EYA1: variants seen among roughly 807,000 people sequenced by gnomAD.
EYA1 encodes EYA transcriptional coactivator and phosphatase 1.
Under a neutral mutation model 82.0 loss-of-function variants are expected in EYA1, and 16 were observed. That is an observed-to-expected ratio of 0.20 (90% CI 0.13 to 0.30). EYA1 has a LOEUF of 0.30. Among genes scored for constraint, EYA1 ranks in the 10% least tolerant of loss-of-function variants. EYA1 has a pLI of 1.00. For missense variants in EYA1, 633 were observed against 730.7 expected, an observed-to-expected ratio of 0.87 and a Z score of 1.54; for synonymous variants, 261 against 264.4, an observed-to-expected ratio of 0.99 and a Z score of 0.12.
chr8:71,440,064 G>A (rs572046824), intron 2 of EYA1, among the ~76,000 whole-genome samples: 6 of 152,112 alleles, frequency 3.9e-5, no homozygotes, highest in East Asian at 3.9e-4. Flanking sequence ...GGACTTTGAC[G>A]TGCTAGTGGA....
chr8:71,276,893 G>T (rs550608063), intron 9 of EYA1, among the ~76,000 whole-genome samples: 1 of 151,998 alleles, frequency 6.6e-6, no homozygotes, highest in East Asian at 1.9e-4. Flanking sequence ...TTGTAAAACG[G>T]GAATAAATGG....
chr8:71,438,740 C>A (rs1471579146), intron 2 of EYA1, among the ~76,000 whole-genome samples: 1 of 152,114 alleles, frequency 6.6e-6, no homozygotes, highest in Non-Finnish European at 1.5e-5. Context: ...AAGAACACGA[C>A]TGAGACAGGC....
In EYA1 at chr8:71,529,768, G is replaced by A. The variant is rs975511990; in HGVS notation, c.33+5976C>T. The A allele has an allele frequency of 6.6e-5, 10 of 152,252 alleles. No homozygotes were observed. The East Asian group carries it at 9.7e-4, about 15-fold the overall frequency. The allele number at this position is 152,252 out of a possible 1,614,324, so 9.4% of individuals were successfully genotyped here. Reference sequence around the variant, plus strand: ...GCACTGTGCAAGGGGAACAGAGAAAGCCAGTCTATAAACAAAAAGAGGACT... The same window carrying A: ...GCACTGTGCAAGGGGAACAGAGAAAACCAGTCTATAAACAAAAAGAGGACT... On this transcript the variant is annotated intron_variant, in intron 2 of 18. Coordinates refer to the EYA1 transcript ENST00000643681.
At chr8:71,220,235 C>T (rs947912135) in intron 12 of EYA1, among the ~76,000 whole-genome samples, 1 of 152,098 alleles carries the variant, frequency 6.6e-6, no homozygotes, top group Non-Finnish European at 1.5e-5. Flanking sequence ...ACAGACTAAA[C>T]GTGCTGAAAC....
intron 4 of EYA1, among the ~76,000 whole-genome samples, chr8:71,324,891 A>G (rs576889947): frequency 7.9e-4 from 120 of 152,268 alleles, no homozygotes; most frequent in South Asian, 1.4e-3. Context: ...TTTAGGTCCC[A>G]ATAATGATGT....
chr8:71,483,719 G>A (rs187744637), intron 2 of EYA1, among the ~76,000 whole-genome samples: 157 of 152,018 alleles, frequency 1.0e-3, no homozygotes, highest in Non-Finnish European at 4.1e-4. Flanking sequence ...CAGAATAGAA[G>A]GCAAGAATTG....
Position 71,213,966 on chromosome 8 carries a change from A to G in EYA1, c.1597+1421T>C, listed in dbSNP as rs774857550. On this transcript the variant is annotated intron_variant, in intron 16 of 17. Transcript: ENST00000340726. ...GCAAGAGAGACAAACCCAGTCCTCA[A>G]GATTATTACAGTATGACGGGGAAGT... is the stretch of plus-strand genomic sequence containing the variant. Among the ~76,000 whole-genome samples, 246 of 152,206 alleles carry G rather than the reference A, an allele frequency of 1.6e-3. 4 individuals are homozygous for G. The highest frequency in any genetic ancestry group is 4.4e-4 in the Non-Finnish European group (30 of 68,036).
chr8:71,346,431 A>AATATATATCT (rs1554561506), intron 3 of EYA1, among the ~76,000 whole-genome samples: 3 of 105,492 alleles, frequency 2.8e-5, no homozygotes, highest in Non-Finnish European at 3.8e-5. Flanking sequence ...TACTGCAGTG[A>AATATATATCT]ATATATATAT....
chr8:71,321,872 A>T lies in EYA1; in HGVS notation c.280T>A (p.Tyr94Asn). The T allele has an allele frequency of 1.9e-6, 3 of 1,614,242 alleles. No homozygotes were observed. The highest frequency in any genetic ancestry group is 2.5e-6 in the Non-Finnish European group (3 of 1,180,042). ...PPQIYPSNRP[Y>N]PHILPTPSSQ... ...GAAGGGGTAGGGAGAATATGTGGGT[A>T]TGGTCTGCTATTTGTCAGAAATGAC... Residue 94 changes from tyrosine to asparagine, a missense_variant, in exon 6 of 18, where the codon TAC becomes AAC. By Grantham distance (143) the Tyr-to-Asn change is moderately radical. Coordinates refer to ENST00000340726, the MANE Select transcript of EYA1 (RefSeq NM_000503.6).
chr8:71,405,252 AAAC>A (rs143920810), intron 2 of EYA1, among the ~76,000 whole-genome samples: 33,359 of 151,962 alleles, frequency 0.22, 4,143 homozygotes, highest in Middle Eastern at 0.31. Context: ...TTTAAAAAAC[AAAC>A]AACAACAACA....
At chr8:71,227,489 G>A (rs1810695345) in intron 12 of EYA1, among the ~76,000 whole-genome samples, 1 of 152,128 alleles carries the variant, frequency 6.6e-6, no homozygotes, top group Admixed American at 6.5e-5. Context: ...TATTCAGACC[G>A]AGAGAACTTT....
At chr8:71,317,976 A>G (rs1280477631) in intron 6 of EYA1, among the ~76,000 whole-genome samples, 1 of 152,186 alleles carries the variant, frequency 6.6e-6, no homozygotes, top group African/African-American at 2.4e-5. Flanking sequence ...TTCATACTTA[A>G]TTTTGTTGTT....
intron 3 of EYA1, among the ~76,000 whole-genome samples, chr8:71,345,691 GA>G (rs1197047879): frequency 6.6e-6 from 1 of 152,046 alleles, no homozygotes; most frequent in Non-Finnish European, 1.5e-5. Flanking sequence ...GATTTGTTCA[GA>G]AAAAGATAAT....
intron 12 of EYA1, among the ~76,000 whole-genome samples, chr8:71,224,591 G>A (rs1810338733): frequency 6.6e-6 from 1 of 152,238 alleles, no homozygotes; most frequent in Non-Finnish European, 1.5e-5. Flanking sequence ...ATGTGAAAAT[G>A]TTTATTTATA....
intron 2 of EYA1, among the ~76,000 whole-genome samples, chr8:71,492,338 AT>A (rs1418143311): frequency 6.6e-6 from 1 of 152,172 alleles, no homozygotes; most frequent in African/African-American, 2.4e-5. Flanking sequence ...TAACAAATAT[AT>A]TTTTAATGGA....
At chr8:71,437,558 T>A (rs1806105329) in intron 2 of EYA1, among the ~76,000 whole-genome samples, 1 of 152,038 alleles carries the variant, frequency 6.6e-6, no homozygotes, top group Admixed American at 6.6e-5. Flanking sequence ...TCATGTGGTA[T>A]ATTATTATTA....
chr8:71,200,952 A>G (rs1806918584), intron 17 of EYA1, among the ~76,000 whole-genome samples: 2 of 148,384 alleles, frequency 1.3e-5, no homozygotes. Flanking sequence ...ACATTCAGAA[A>G]AACACTCTGA....
chr8:71,531,461 T>C (rs1282205274), intron 2 of EYA1, among the ~76,000 whole-genome samples: 3 of 152,314 alleles, frequency 2.0e-5, no homozygotes, highest in African/African-American at 7.2e-5. Context: ...TTTTGGGTTA[T>C]CGAGTGGTGG....
Position 71,452,258 on chromosome 8 carries a change from A to G in EYA1, c.33+83486T>C, listed in dbSNP as rs1012966320. Among the ~76,000 whole-genome samples, 7 of 152,312 alleles carry G rather than the reference A, an allele frequency of 4.6e-5. No homozygotes were observed. In the South Asian group the frequency reaches 1.2e-3, roughly 27 times the overall value. On this transcript the variant is annotated intron_variant, in intron 2 of 18. Coordinates refer to the EYA1 transcript ENST00000643681. ...CCATTGCTGAGGCTTGAGTAGGTAA[A>G]CAAAGTGGCCAAGAAGCTTGAACTG... is the stretch of plus-strand genomic sequence containing the variant.
Sources: allele counts gnomAD v4.1 joint callset (sites outside exome capture counted in the v4.1 genomes callset), GRCh38; gene constraint gnomAD v4.1.1; transcripts MANE v1.5; gene names NCBI Gene and HGNC (gene_info 2026-07-23, HGNC 2026-07-21).